Variants in RNF180 observed in about 807,000 individuals in gnomAD.
The protein encoded by RNF180 is E3 ubiquitin-protein ligase RNF180.
A neutral mutation model predicts 59.2 loss-of-function variants in RNF180; 38 were observed. The observed-to-expected ratio is 0.64, with a 90% CI of 0.50 to 0.84. The LOEUF (loss-of-function observed/expected upper bound fraction) is 0.84. Ranked by LOEUF, RNF180 falls within the 40% of genes least tolerant of loss-of-function variation. The pLI is 0.00. For synonymous variants in RNF180, 262 were observed against 240.3 expected, an observed-to-expected ratio of 1.09 and a Z score of -0.84; for missense variants, 705 against 700.9, an observed-to-expected ratio of 1.01 and a Z score of -0.07.
chr5:64,254,785 G>A (rs1021659708), intron 5 of RNF180, among the ~76,000 whole-genome samples: 1 of 152,120 alleles, frequency 6.6e-6, no homozygotes, highest in East Asian at 1.9e-4. Flanking sequence ...AACAGTGCAG[G>A]AGACTTTCAT....
At chr5:64,219,813 C>T (rs1752819923) in intron 5 of RNF180, among the ~76,000 whole-genome samples, 1 of 152,140 alleles carries the variant, frequency 6.6e-6, no homozygotes, top group African/African-American at 2.4e-5. Flanking sequence ...GCCACCGCGC[C>T]TGGCCGAGGA....
chr5:64,188,064 A>G (rs925554757), intron 1 of RNF180, among the ~76,000 whole-genome samples: 8 of 152,290 alleles, frequency 5.3e-5, no homozygotes, highest in African/African-American at 1.7e-4. Context: ...ATTCAATATC[A>G]GTAGGGTGAG....
At chr5:64,246,603 A>G (rs1743183711) in intron 5 of RNF180, among the ~76,000 whole-genome samples, 5 of 152,234 alleles carry the variant, frequency 3.3e-5, no homozygotes, top group Admixed American at 2.6e-4. Context: ...AAGTTCTGAA[A>G]TTGAGGCAAT....
chr5:64,166,674 G>A (rs992119258), intron 1 of RNF180, among the ~76,000 whole-genome samples: 1 of 152,150 alleles, frequency 6.6e-6, no homozygotes, highest in Non-Finnish European at 1.5e-5. Context: ...ATCTGTGAGA[G>A]CATTCATTAG....
intron 7 of RNF180, among the ~76,000 whole-genome samples, chr5:64,338,314 A>C (rs1745216552): frequency 6.6e-6 from 1 of 152,074 alleles, no homozygotes. Flanking sequence ...TGAACGGAAA[A>C]AGTAATCATA....
intron 6 of RNF180, among the ~76,000 whole-genome samples, chr5:64,329,513 A>G (rs955605573): frequency 1.3e-4 from 19 of 143,474 alleles, no homozygotes; most frequent in Non-Finnish European, 2.8e-4. Flanking sequence ...GCTGGAGTGC[A>G]ATGGTGCCAT....
Position 64,364,726 on chromosome 5 carries a change from A to G in RNF180, c.1580-4889A>G, listed in dbSNP as rs183197235. Among the ~76,000 whole-genome samples, 225 of 151,676 alleles carry G rather than the reference A, an allele frequency of 1.5e-3. 1 individual carries two copies. The highest frequency in any genetic ancestry group is 5.2e-3 in the African/African-American group (216 of 41,464). The stretch of plus-strand genomic sequence containing the variant: ...CTGGAATTTTTTTGGTTGATAGGCT[A>G]TTACTGATTCAATTTCAGAGGTCAT... On this transcript the variant is annotated intron_variant, in intron 7 of 7. Transcript: ENST00000389100.
chr5:64,194,612 G>T (rs1751360078), intron 1 of RNF180, among the ~76,000 whole-genome samples: 1 of 152,178 alleles, frequency 6.6e-6, no homozygotes, highest in Non-Finnish European at 1.5e-5. Context: ...CTAGTTTACA[G>T]TCCCACCAAC....
At chr5:64,221,934 T>G (rs1741359952) in intron 5 of RNF180, among the ~76,000 whole-genome samples, 1 of 152,210 alleles carries the variant, frequency 6.6e-6, no homozygotes, top group South Asian at 2.1e-4. Context: ...TATCAATACA[T>G]TATTAATAGT....
chr5:64,305,378 C>G (rs1271647691), intron 5 of RNF180, among the ~76,000 whole-genome samples: 1 of 151,438 alleles, frequency 6.6e-6, no homozygotes, highest in Non-Finnish European at 1.5e-5. Flanking sequence ...CTCTTTCTTC[C>G]TTTGTTGATG....
At chr5:64,221,994 T>C (rs377095757) in intron 5 of RNF180, among the ~76,000 whole-genome samples, 2 of 152,208 alleles carry the variant, frequency 1.3e-5, no homozygotes, top group Non-Finnish European at 2.9e-5. Context: ...AAGTCTTTTT[T>C]TTGTTGTTTC....
chr5:64,341,440 T>A (rs965651087), intron 7 of RNF180, among the ~76,000 whole-genome samples: 1 of 152,180 alleles, frequency 6.6e-6, no homozygotes, highest in Non-Finnish European at 1.5e-5. Context: ...CAATAAATGG[T>A]GTCATTTAAT....
intron 5 of RNF180, among the ~76,000 whole-genome samples, chr5:64,234,578 CTTTTTT>C: frequency 2.1e-5 from 1 of 48,500 alleles, no homozygotes; most frequent in Non-Finnish European, 3.8e-5. Flanking sequence ...GTTACCCGTT[CTTTTTT>C]TTTTTTTTTT....
intron 5 of RNF180, among the ~76,000 whole-genome samples, chr5:64,319,974 T>C (rs2112506029): frequency 6.6e-6 from 1 of 152,340 alleles, no homozygotes; most frequent in Non-Finnish European, 1.5e-5. Context: ...GCAGGAATTA[T>C]AGGTCATGAT....
At chr5:64,255,903 A>G (rs1400814191) in intron 5 of RNF180, among the ~76,000 whole-genome samples, 5 of 152,296 alleles carry the variant, frequency 3.3e-5, no homozygotes, top group Non-Finnish European at 5.9e-5. Flanking sequence ...AAACTGGTGT[A>G]AGATGGTATC....
intron 5 of RNF180, among the ~76,000 whole-genome samples, chr5:64,298,529 A>G (rs1223615455): frequency 1.3e-5 from 2 of 152,024 alleles, no homozygotes; most frequent in Non-Finnish European, 2.9e-5. Flanking sequence ...ACTGAGGGGT[A>G]TTATTCCAGA....
chr5:64,317,572 A>G (rs979575993), intron 5 of RNF180, among the ~76,000 whole-genome samples: 1 of 146,304 alleles, frequency 6.8e-6, no homozygotes, highest in Non-Finnish European at 1.5e-5. Context: ...ACATACATAT[A>G]TATACACATA....
chr5:64,217,291 AT>A (rs1461954575), intron 4 of RNF180, 69 bp from the exon 5 acceptor site: 1 of 1,317,158 alleles, frequency 7.6e-7, no homozygotes, highest in African/African-American at 1.5e-5. Flanking sequence ...GGTTTTGCAA[AT>A]TATGAATAGA....
intron 7 of RNF180, among the ~76,000 whole-genome samples, chr5:64,355,345 G>A (rs113306966): frequency 6.6e-6 from 1 of 151,784 alleles, no homozygotes; most frequent in African/African-American, 2.4e-5. Context: ...AAAATACCTA[G>A]GAATAATTTT....
Sources: gnomAD v4.1 joint callset for allele counts (sites outside exome capture counted in the v4.1 genomes callset) on GRCh38, gnomAD v4.1.1 for gene constraint, MANE v1.5 for transcripts, NCBI Gene and HGNC (gene_info 2026-07-23, HGNC 2026-07-21) for gene names.